Variants in DOCK3 observed in about 807,000 individuals in gnomAD.
DOCK3 encodes the protein dedicator of cytokinesis protein 3.
Under a neutral mutation model 265.6 loss-of-function variants are expected in DOCK3, and 60 were observed. That is an observed-to-expected ratio of 0.23 (90% CI 0.18 to 0.28). DOCK3 has a LOEUF of 0.28. DOCK3 is among the 10% of genes least tolerant of loss of function. DOCK3 has a pLI of 1.00. For synonymous variants in DOCK3, 881 were observed against 938.0 expected (o/e 0.94, Z 1.11); for missense variants, 1,981 against 2,594.3 (o/e 0.76, Z 5.14).
At chr3:50,806,017 C>T (rs1324499847) in intron 2 of DOCK3, among the ~76,000 whole-genome samples, 2 of 151,950 alleles carry the variant, frequency 1.3e-5, no homozygotes, top group Non-Finnish European at 1.5e-5. Flanking sequence ...GCTCAGCTGG[C>T]CTGGGGGTGC....
At chr3:50,778,048 G>A (rs961241156) in intron 1 of DOCK3, among the ~76,000 whole-genome samples, 5 of 152,020 alleles carry the variant, frequency 3.3e-5, no homozygotes, top group Non-Finnish European at 5.9e-5. Flanking sequence ...CTGTGGGTTT[G>A]TCATATATAG....
At chr3:50,845,748 G>C (rs1392794724) in intron 3 of DOCK3, among the ~76,000 whole-genome samples, 1 of 152,144 alleles carries the variant, frequency 6.6e-6, no homozygotes, top group African/African-American at 2.4e-5. Context: ...ACTGTCAAGA[G>C]AATCGCTTGA....
At chr3:51,087,287 A>G (rs1042256353) in intron 7 of DOCK3, among the ~76,000 whole-genome samples, 3 of 152,236 alleles carry the variant, frequency 2.0e-5, no homozygotes, top group Admixed American at 2.0e-4. Flanking sequence ...ATTATAAACC[A>G]TAATCAAATG....
intron 1 of DOCK3, among the ~76,000 whole-genome samples, chr3:50,728,689 A>G (rs2037990653): frequency 6.6e-6 from 1 of 151,470 alleles, no homozygotes; most frequent in Admixed American, 6.6e-5. Flanking sequence ...ACACAGGAAG[A>G]AACAGAAAAC....
chr3:51,286,080 T>G (rs9784274), intron 27 of DOCK3, among the ~76,000 whole-genome samples: 138,540 of 151,922 alleles, frequency 0.91, 63,311 homozygotes, highest in African/African-American at 0.96. Context: ...CATAACCTCT[T>G]TCCAAAAGTT....
intron 32 of DOCK3, 149 bp from the exon 33 acceptor site, chr3:51,329,989 A>T: frequency 1.4e-6 from 1 of 736,326 alleles, no homozygotes; most frequent in Non-Finnish European, 2.2e-6. Flanking sequence ...TTGGTGCTAT[A>T]GGTAAAATAC....
intron 2 of DOCK3, among the ~76,000 whole-genome samples, chr3:50,834,990 C>T (rs2045418481): frequency 1.3e-5 from 2 of 152,152 alleles, no homozygotes; most frequent in Non-Finnish European, 2.9e-5. Context: ...TCACTTTGCC[C>T]ATAAGGTAGA....
chr3:51,150,450 TC>T (rs1415672880), intron 10 of DOCK3, among the ~76,000 whole-genome samples: 1 of 152,242 alleles, frequency 6.6e-6, no homozygotes, highest in Non-Finnish European at 1.5e-5. Context: ...TTTAGATCTT[TC>T]CTGCTTTCTC....
At chr3:50,752,444 GGT>G (rs2039880659) in intron 1 of DOCK3, among the ~76,000 whole-genome samples, 3 of 151,920 alleles carry the variant, frequency 2.0e-5, no homozygotes, top group Non-Finnish European at 4.4e-5. Flanking sequence ...GGGAGGCGGA[GGT>G]TAGAGTGAGC....
At chr3:50,944,394 T>G (rs1372355304) in intron 5 of DOCK3, among the ~76,000 whole-genome samples, 1 of 152,260 alleles carries the variant, frequency 6.6e-6, no homozygotes, top group Non-Finnish European at 1.5e-5. Context: ...TTCTCAATAC[T>G]GCACTTGACT....
At chr3:51,241,818 C>A (rs1178324925) in intron 21 of DOCK3, among the ~76,000 whole-genome samples, 1 of 152,168 alleles carries the variant, frequency 6.6e-6, no homozygotes, top group Non-Finnish European at 1.5e-5. Flanking sequence ...TCTGTCAGCT[C>A]CTGCATTGTT....
At chr3:50,920,534 G>A (rs1013486689) in intron 4 of DOCK3, among the ~76,000 whole-genome samples, 4 of 152,128 alleles carry the variant, frequency 2.6e-5, no homozygotes, top group Admixed American at 6.5e-5. Flanking sequence ...GTTTATTTGT[G>A]TAGAGGTGTT....
At chr3:50,696,688 G>A (rs2035641434) in intron 1 of DOCK3, among the ~76,000 whole-genome samples, 1 of 152,082 alleles carries the variant, frequency 6.6e-6, no homozygotes, top group South Asian at 2.1e-4. Context: ...TGGGGGTGGG[G>A]TGGGGTAGGT....
intron 6 of DOCK3, among the ~76,000 whole-genome samples, chr3:51,071,106 G>GA (rs1460909029): frequency 6.6e-6 from 1 of 152,058 alleles, no homozygotes; most frequent in Non-Finnish European, 1.5e-5. Flanking sequence ...ATGGGGAAAG[G>GA]AAAAAGATAA....
At chr3:50,991,932 T>C (rs552926729) in intron 5 of DOCK3, among the ~76,000 whole-genome samples, 3 of 152,300 alleles carry the variant, frequency 2.0e-5, no homozygotes, top group African/African-American at 4.8e-5. Context: ...GTCAAGACTA[T>C]AAAAATCACT....
At chr3:50,908,197 C>CT (rs550837883) in intron 4 of DOCK3, among the ~76,000 whole-genome samples, 1,409 of 114,412 alleles carry the variant, frequency 0.012, 33 homozygotes, top group Non-Finnish European at 0.016. Context: ...TTTTGAAGGG[C>CT]TTTTTTTTTT....
chr3:51,110,318 C>T (rs548944163), intron 9 of DOCK3, among the ~76,000 whole-genome samples: 1 of 152,134 alleles, frequency 6.6e-6, no homozygotes, highest in Non-Finnish European at 1.5e-5. Flanking sequence ...CCAACTCATT[C>T]TATGAGGTCA....
intron 1 of DOCK3, among the ~76,000 whole-genome samples, chr3:50,754,157 C>A (rs1332217537): frequency 1.2e-3 from 76 of 61,572 alleles, no homozygotes; most frequent in East Asian, 6.8e-3. Flanking sequence ...GACTCTGTCT[C>A]AAAAAAAAAA....
intron 5 of DOCK3, among the ~76,000 whole-genome samples, chr3:50,998,540 G>A (rs1056128356): frequency 6.6e-6 from 1 of 152,138 alleles, no homozygotes; most frequent in African/African-American, 2.4e-5. Flanking sequence ...CTAAGCCATG[G>A]GTACCTGGTA....
Sources: gnomAD v4.1 joint callset for allele counts (sites outside exome capture counted in the v4.1 genomes callset) on GRCh38, gnomAD v4.1.1 for gene constraint, MANE v1.5 for transcripts, NCBI Gene and HGNC (gene_info 2026-07-23, HGNC 2026-07-21) for gene names.